ANO4: variants seen among roughly 807,000 people sequenced by gnomAD.
ANO4 encodes the protein anoctamin-4.
ANO4 carries 69 observed loss-of-function variants against 141.9 expected under a neutral mutation model. That is an observed-to-expected ratio of 0.49 (90% confidence interval 0.40 to 0.59). The LOEUF is 0.59. ANO4 is among the 20% of genes least tolerant of loss of function. The pLI is 0.00. For missense variants in ANO4, 894 were observed against 1,162.2 expected, an observed-to-expected ratio of 0.77 and a Z score of 3.36; for synonymous variants, 350 against 394.3, an observed-to-expected ratio of 0.89 and a Z score of 1.33.
intron 3 of ANO4, among the ~76,000 whole-genome samples, chr12:100,768,627 CT>C (rs2033180056): frequency 6.6e-6 from 1 of 152,134 alleles, no homozygotes; most frequent in Non-Finnish European, 1.5e-5. Context: ...CACAGTGCCC[CT>C]ACATAGTAAT....
chr12:101,123,461 C>T (rs1713503733), intron 26 of ANO4, among the ~76,000 whole-genome samples: 1 of 152,006 alleles, frequency 6.6e-6, no homozygotes, highest in South Asian at 2.1e-4. Flanking sequence ...TTCTGATGCT[C>T]TCCCTTCCCC....
At chr12:100,952,003 G>A (rs186739438) in intron 5 of ANO4, among the ~76,000 whole-genome samples, 6 of 152,132 alleles carry the variant, frequency 3.9e-5, no homozygotes, top group Admixed American at 2.0e-4. Context: ...TGGGGGGAGG[G>A]AGGAATCATC....
At chr12:100,761,383 A>G (rs2032851763) in intron 3 of ANO4, among the ~76,000 whole-genome samples, 2 of 152,214 alleles carry the variant, frequency 1.3e-5, no homozygotes, top group South Asian at 4.1e-4. Flanking sequence ...AAGATTTATC[A>G]TAACAAAAGA....
intron 14 of ANO4, among the ~76,000 whole-genome samples, chr12:101,070,918 G>A (rs992449259): frequency 1.3e-5 from 2 of 152,126 alleles, no homozygotes; most frequent in African/African-American, 4.8e-5. Flanking sequence ...ATATGAAAAG[G>A]TGCTAATATC....
chr12:100,778,846 A>C (rs1462770561), intron 3 of ANO4, among the ~76,000 whole-genome samples: 3 of 152,222 alleles, frequency 2.0e-5, no homozygotes, highest in African/African-American at 7.2e-5. Flanking sequence ...TACCATTAGC[A>C]TCGTATTAAA....
At chr12:100,852,922 AG>A (rs1424343354) in intron 1 of ANO4, among the ~76,000 whole-genome samples, 1 of 152,212 alleles carries the variant, frequency 6.6e-6, no homozygotes, top group Admixed American at 6.5e-5. Flanking sequence ...TAGCAAGAAT[AG>A]GTAAAATGGG....
intron 1 of ANO4, among the ~76,000 whole-genome samples, chr12:100,813,501 C>T (rs538007847): frequency 1.3e-5 from 2 of 152,268 alleles, no homozygotes; most frequent in East Asian, 3.9e-4. Context: ...TCAGATCTTA[C>T]TATAGTGCAT....
At chr12:100,851,159 A>G (rs954330100) in intron 1 of ANO4, among the ~76,000 whole-genome samples, 1 of 152,104 alleles carries the variant, frequency 6.6e-6, no homozygotes, top group Admixed American at 6.5e-5. Context: ...CCAGAGTAAG[A>G]CTCTAATTTA....
At chr12:100,998,412 T>TATCTATCTATCC (rs1370047334) in intron 8 of ANO4, among the ~76,000 whole-genome samples, 10 of 150,048 alleles carry the variant, frequency 6.7e-5, no homozygotes, top group East Asian at 2.0e-4. Context: ...TCTATCTATC[T>TATCTATCTATCC]ATCCATCCTA....
intron 15 of ANO4, among the ~76,000 whole-genome samples, chr12:101,081,340 C>T (rs12307117): frequency 0.013 from 2,042 of 152,142 alleles, 49 homozygotes; most frequent in African/African-American, 0.046. Flanking sequence ...TTGACTAAAC[C>T]AGTCTACAAT....
chr12:100,816,090 C>T (rs2035726371), intron 1 of ANO4, among the ~76,000 whole-genome samples: 1 of 151,982 alleles, frequency 6.6e-6, no homozygotes, highest in Non-Finnish European at 1.5e-5. Context: ...GTTCCCAAAG[C>T]ATTTAAAATA....
At chr12:100,918,954 TG>T (rs2041477425) in intron 2 of ANO4, among the ~76,000 whole-genome samples, 1 of 152,200 alleles carries the variant, frequency 6.6e-6, no homozygotes, top group African/African-American at 2.4e-5. Context: ...TTGATAATCC[TG>T]ACCTTGTATA....
intron 3 of ANO4, among the ~76,000 whole-genome samples, chr12:100,934,363 T>C (rs896510128): frequency 6.6e-6 from 1 of 152,178 alleles, no homozygotes. Context: ...GAATCCTTTC[T>C]GCGTTTCTTG....
chr12:100,790,912 A>G (rs1159184039), upstream of ANO4, among the ~76,000 whole-genome samples: 1 of 152,210 alleles, frequency 6.6e-6, no homozygotes, highest in African/African-American at 2.4e-5. Flanking sequence ...TAGCAGTTCA[A>G]CCTATCCTCT....
At chr12:101,096,708 A>G in intron 19 of ANO4, 61 bp downstream of exon 19, 1 of 1,277,714 alleles carries the variant, frequency 7.8e-7, no homozygotes, top group Non-Finnish European at 1.1e-6. Context: ...GAAGGCACTG[A>G]CTCGTGGGGA....
intron 5 of ANO4, among the ~76,000 whole-genome samples, chr12:100,965,157 T>C (rs934769900): frequency 6.6e-6 from 1 of 152,172 alleles, no homozygotes; most frequent in Non-Finnish European, 1.5e-5. Context: ...TACACAACTT[T>C]GGGACAAACT....
At chr12:101,020,189 C>G (rs760773995) in intron 9 of ANO4, 49 bp downstream of exon 9, 1 of 1,294,282 alleles carries the variant, frequency 7.7e-7, no homozygotes, top group Admixed American at 1.8e-5. Context: ...TTGGGAATTA[C>G]AGACTTCTTC....
At chr12:101,063,770 TTTTTTTTTGCC>T (rs2048454707) in intron 14 of ANO4, among the ~76,000 whole-genome samples, 1 of 142,092 alleles carries the variant, frequency 7.0e-6, no homozygotes, top group South Asian at 2.3e-4. Flanking sequence ...TTTTTTTTTT[TTTTTTTTTGCC>T]TTTGAAAGAG....
chr12:100,964,262 T>TA (rs2043550992), intron 5 of ANO4, among the ~76,000 whole-genome samples: 1 of 152,192 alleles, frequency 6.6e-6, no homozygotes, highest in Admixed American at 6.6e-5. Flanking sequence ...CTCCATTCCT[T>TA]ACTTGAGTAA....
Sources: gnomAD v4.1 joint callset for allele counts (sites outside exome capture counted in the v4.1 genomes callset) on GRCh38, gnomAD v4.1.1 for gene constraint, MANE v1.5 for transcripts, NCBI Gene and HGNC (gene_info 2026-07-23, HGNC 2026-07-21) for gene names.